The following SPATS2L variants were observed in gnomAD, a reference collection of about 807,000 sequenced individuals.
SPATS2L encodes SPATS2-like protein.
In SPATS2L, 30 loss-of-function variants were observed where a neutral mutation model predicts 59.6. The ratio of observed to expected loss-of-function variants is 0.50; its 90% confidence interval spans 0.38 to 0.68. The LOEUF is 0.68. SPATS2L is among the 30% of genes least tolerant of loss of function. The pLI is 0.00. For synonymous variants in SPATS2L, 252 were observed against 263.5 expected, an observed-to-expected ratio of 0.96 and a Z score of 0.42; for missense variants, 615 against 700.0, an observed-to-expected ratio of 0.88 and a Z score of 1.37.
At chr2:200,426,545 A>G (rs2083593083) in intron 6 of SPATS2L, among the ~76,000 whole-genome samples, 1 of 152,064 alleles carries the variant, frequency 6.6e-6, no homozygotes, top group Non-Finnish European at 1.5e-5. Context: ...GCTGGGCAAC[A>G]TTGTGAGAGT....
At chr2:200,388,970 A>T (rs2082085827) in intron 2 of SPATS2L, among the ~76,000 whole-genome samples, 1 of 152,170 alleles carries the variant, frequency 6.6e-6, no homozygotes, top group Admixed American at 6.5e-5. Flanking sequence ...ATTTAGATAA[A>T]TTCCCATCTG....
At chr2:200,452,639 G>T (rs2085539425) in intron 8 of SPATS2L, among the ~76,000 whole-genome samples, 1 of 152,208 alleles carries the variant, frequency 6.6e-6, no homozygotes, top group African/African-American at 2.4e-5. Context: ...TGGCAATTGA[G>T]TGTAGTCATT....
intron 1 of SPATS2L, among the ~76,000 whole-genome samples, chr2:200,315,921 A>C (rs2079360276): frequency 2.2e-5 from 3 of 138,970 alleles, no homozygotes; most frequent in Non-Finnish European, 4.6e-5. Flanking sequence ...GCTACTCGGG[A>C]GGCTGAGGCA....
intron 1 of SPATS2L, among the ~76,000 whole-genome samples, chr2:200,319,619 T>G (rs891287759): frequency 6.7e-6 from 1 of 148,750 alleles, no homozygotes; most frequent in Non-Finnish European, 1.5e-5. Flanking sequence ...TACTCCTGAC[T>G]GAGTATTCTG....
rs968140223 is a variant in SPATS2L, at chr2:200,323,569, G to A, written c.-72-5862G>A. Among the ~76,000 whole-genome samples, 6 of 152,116 alleles carry A rather than the reference G, an allele frequency of 3.9e-5. No individual in the cohort carries two copies. In the East Asian group the frequency reaches 9.6e-4, roughly 24 times the overall value. ...GCTTAGACTTTATCCAGTAATAATGGGACAGGCCCTTTTACTGCCCTGGAA... is the reference window on the plus strand; with the variant it reads ...GCTTAGACTTTATCCAGTAATAATGAGACAGGCCCTTTTACTGCCCTGGAA... On this transcript the variant is annotated intron_variant, in intron 1 of 12. Transcript: ENST00000409140.
In SPATS2L at chr2:200,310,473, A is replaced by G. The variant is rs189771314; in HGVS notation, c.-73+3551A>G. Among the ~76,000 whole-genome samples, 16 of 152,328 alleles carry G rather than the reference A, an allele frequency of 1.1e-4. No homozygotes were observed. The East Asian group carries it at 3.1e-3, about 29-fold the overall frequency. ...CCATCACCGTTTCTAGGATAATTAT[A>G]GTCTACATCTTGGTCTCTCTGTAAT... On this transcript the variant is annotated intron_variant, in intron 1 of 12. Transcript: ENST00000409140.
At chr2:200,383,635 C>A (rs2081897841) in intron 2 of SPATS2L, among the ~76,000 whole-genome samples, 1 of 152,116 alleles carries the variant, frequency 6.6e-6, no homozygotes, top group Non-Finnish European at 1.5e-5. Flanking sequence ...CAGTCTCTAC[C>A]AACTTGGTCA....
At chr2:200,330,855 G>T (rs956351920) in intron 2 of SPATS2L, among the ~76,000 whole-genome samples, 2 of 152,202 alleles carry the variant, frequency 1.3e-5, no homozygotes, top group Non-Finnish European at 2.9e-5. Flanking sequence ...CCCTGCAAAA[G>T]ATTACTCTAA....
chr2:200,345,864 G>T (rs2080495534), intron 2 of SPATS2L, among the ~76,000 whole-genome samples: 1 of 152,158 alleles, frequency 6.6e-6, no homozygotes, highest in African/African-American at 2.4e-5. Context: ...ATAGCTGAGA[G>T]CTGCTCAGTG....
chr2:200,467,470 C>A, intron 10 of SPATS2L, 71 bp downstream of exon 10: 1 of 1,076,684 alleles, frequency 9.3e-7, no homozygotes. Flanking sequence ...GTTTTGCATC[C>A]ACAGAGTTCT....
At chr2:200,378,281 G>C (rs2081669134) in intron 2 of SPATS2L, 1 of 1,002,426 alleles carries the variant, frequency 1.0e-6, no homozygotes, top group Non-Finnish European at 1.2e-6. Context: ...GGTGGCCAGT[G>C]GGGGAACAGA....
chr2:200,362,886 C>T (rs1371303774), intron 2 of SPATS2L, among the ~76,000 whole-genome samples: 1 of 152,164 alleles, frequency 6.6e-6, no homozygotes, highest in Non-Finnish European at 1.5e-5. Flanking sequence ...TGAGATACAC[C>T]TATCCTCCTG....
intron 6 of SPATS2L, 71 bp downstream of exon 6, chr2:200,419,567 C>T (rs2083222521): frequency 6.5e-7 from 1 of 1,541,412 alleles, no homozygotes; most frequent in Non-Finnish European, 8.9e-7. Flanking sequence ...CTCATTGGGG[C>T]TGCTGTTGAT....
In SPATS2L at chr2:200,479,956, A is replaced by G. The variant is rs937528192; in HGVS notation, c.*1925A>G. 2 of 389,456 alleles carry G rather than the reference A, an allele frequency of 5.1e-6. No homozygotes were observed. Among genetic ancestry groups the G allele is most frequent in the African/African-American group, 4.1e-5 (2 of 48,512 alleles). 24.1% of individuals were successfully genotyped at this position (389,456 alleles called of 1,614,324 possible). A position where few individuals can be genotyped will look rare whatever the true frequency, so the allele number is the denominator to read the frequency against. ...GAAGAGTTGTTCGTTCAAATAAGAA[A>G]GATAAATGTTCGGCACTGTAGGCCC... is the stretch of plus-strand genomic sequence containing the variant. On this transcript the variant is annotated 3_prime_UTR_variant, in exon 13 of 13. Coordinates refer to ENST00000409140, the MANE Select transcript of SPATS2L (RefSeq NM_001100423.2).
At chr2:200,331,384 T>C (rs779916743) in intron 2 of SPATS2L, among the ~76,000 whole-genome samples, 1 of 152,224 alleles carries the variant, frequency 6.6e-6, no homozygotes, top group Non-Finnish European at 1.5e-5. Flanking sequence ...AGTTGCTTGG[T>C]TACAGTCATT....
At position 200,347,651 on chromosome 2, in the gene SPATS2L, T is replaced by G. The variant is rs568246005; in HGVS notation, c.-23+18171T>G. Among the ~76,000 whole-genome samples, 10 of 152,286 alleles carry G rather than the reference T, an allele frequency of 6.6e-5. No homozygotes were observed. In the East Asian group the frequency reaches 1.9e-3, roughly 29 times the overall value. On this transcript the variant is annotated intron_variant, in intron 2 of 12. Transcript: ENST00000409140. ...GGGCTCAGGTTGGAGGCAGCTTCAC[T>G]GGGTCCCCTAAAGCAAAGTAGGGCT...
At chr2:200,386,323 T>A (rs1290452196) in intron 2 of SPATS2L, among the ~76,000 whole-genome samples, 1 of 152,148 alleles carries the variant, frequency 6.6e-6, no homozygotes, top group African/African-American at 2.4e-5. Context: ...CAGCCAGCAT[T>A]TTTCTTCCAC....
intron 5 of SPATS2L, among the ~76,000 whole-genome samples, chr2:200,416,647 G>C (rs1460147151): frequency 6.6e-6 from 1 of 152,132 alleles, no homozygotes; most frequent in Non-Finnish European, 1.5e-5. Flanking sequence ...TAACAACCAG[G>C]TGTGCTTAAG....
intron 8 of SPATS2L, among the ~76,000 whole-genome samples, chr2:200,448,832 A>G (rs1377991771): frequency 6.6e-6 from 1 of 152,210 alleles, no homozygotes; most frequent in African/African-American, 2.4e-5. Flanking sequence ...GGACACCAAG[A>G]GACAATAATG....
Sources: gnomAD v4.1 joint callset for allele counts (sites outside exome capture counted in the v4.1 genomes callset) on GRCh38, gnomAD v4.1.1 for gene constraint, MANE v1.5 for transcripts, NCBI Gene and HGNC (gene_info 2026-07-23, HGNC 2026-07-21) for gene names.